Variants in FAF1 observed in about 807,000 individuals in gnomAD.
FAF1 encodes FAS-associated factor 1.
Under a neutral mutation model 92.5 loss-of-function variants are expected in FAF1, and 25 were observed. The observed-to-expected ratio is 0.27, with a 90% confidence interval of 0.20 to 0.38. The LOEUF (loss-of-function observed/expected upper bound fraction) is 0.38. FAF1 is among the 10% of genes least tolerant of loss of function. FAF1 has a pLI of 1.00. For synonymous variants in FAF1, 234 were observed against 273.2 expected (o/e 0.86, Z 1.42); for missense variants, 636 against 793.3 (o/e 0.80, Z 2.38).
At chr1:50,475,757 A>G in intron 17 of FAF1, 78 bp from the exon 18 acceptor site, 1 of 904,908 alleles carries the variant, frequency 1.1e-6, no homozygotes, top group Non-Finnish European at 1.6e-6. Context: ...CACCAGAAAA[A>G]AAGCTGCTGT....
chr1:50,761,254 G>A (rs1660314426), intron 4 of FAF1, among the ~76,000 whole-genome samples: 1 of 152,186 alleles, frequency 6.6e-6, no homozygotes, highest in Admixed American at 6.5e-5. Flanking sequence ...AATTCTACCA[G>A]AGGTATAAGG....
rs115005065 is a variant in FAF1 at position 50,472,590 on chromosome 1, T to C, written c.1869+2874A>G. On this transcript the variant is annotated intron_variant, in intron 18 of 18. Transcript: ENST00000396153. The stretch of plus-strand genomic sequence containing the variant: ...AGCTCGGAAATCTTAACATGAAGTA[T>C]TGTTTTGGTTGGGGGCGGGTGGCAG... Among the ~76,000 whole-genome samples, 681 of 152,148 alleles carry C rather than the reference T, an allele frequency of 4.5e-3. 2 individuals carry two copies. Among genetic ancestry groups the C allele is most frequent in the Non-Finnish European group, 7.3e-3 (494 of 68,010 alleles).
intron 6 of FAF1, among the ~76,000 whole-genome samples, chr1:50,729,058 A>ATATATATAT (rs1375923156): frequency 2.7e-3 from 192 of 70,076 alleles, no homozygotes; most frequent in Non-Finnish European, 3.4e-3. Context: ...ATATATATAT[A>ATATATATAT]TTTTTTTTTT....
rs529041891 is a variant in FAF1, at chr1:50,539,774, T to C, written c.1269-46A>G. 25 of 1,370,328 alleles carry C rather than the reference T, an allele frequency of 1.8e-5. No individual in the cohort carries two copies. In the South Asian group the frequency reaches 2.2e-4, roughly 12 times the overall value. The allele number at this position is 1,370,328 out of a possible 1,614,324, so 84.9% of individuals were successfully genotyped here. ...AAGTAAGTTTTGCTTTGTAGTTTAA[T>C]AGATTTACTAGTACTTCAACAAAGA... On this transcript the variant is annotated intron_variant, in intron 13 of 18. Coordinates refer to ENST00000396153, the MANE Select transcript of FAF1 (RefSeq NM_007051.3).
intron 2 of FAF1, among the ~76,000 whole-genome samples, chr1:50,851,135 C>T (rs1644345516): frequency 6.8e-6 from 1 of 148,128 alleles, no homozygotes; most frequent in African/African-American, 2.5e-5. Context: ...GGCTGTCATG[C>T]AATGGTGCGA....
intron 8 of FAF1, among the ~76,000 whole-genome samples, chr1:50,624,266 C>T (rs1653360456): frequency 6.6e-6 from 1 of 151,922 alleles, no homozygotes; most frequent in Non-Finnish European, 1.5e-5. Context: ...TCCTGCCTCA[C>T]CCTCCCAAGT....
At chr1:50,443,210 C>G (rs1386192256) in intron 18 of FAF1, among the ~76,000 whole-genome samples, 1 of 152,136 alleles carries the variant, frequency 6.6e-6, no homozygotes, top group Non-Finnish European at 1.5e-5. Flanking sequence ...GAGAAACGAT[C>G]ATTGTAATCG....
In FAF1 at chr1:50,574,896, CTCTT is replaced by C. The variant is rs1394899667; in HGVS notation, c.1114-7669_1114-7666del. Among the ~76,000 whole-genome samples, 182 of 122,906 alleles carry C rather than the reference CTCTT, an allele frequency of 1.5e-3. 8 individuals are homozygous for C. Among genetic ancestry groups the C allele is most frequent in the African/African-American group, 5.7e-3 (177 of 30,796 alleles). The allele number at this position is 122,906 out of a possible 152,430, so 80.6% of individuals were successfully genotyped here. A position where few individuals can be genotyped will look rare whatever the true frequency, so the allele number is the denominator to read the frequency against. On this transcript the variant is annotated intron_variant, in intron 12 of 18. Coordinates refer to ENST00000396153, the MANE Select transcript of FAF1 (RefSeq NM_007051.3). ...GTTTAAGCATATAGAGTTGTATTAA[CTCTT>C]TTTTTTTTTTTTTTTTTTTTTTTTT...
intron 7 of FAF1, among the ~76,000 whole-genome samples, chr1:50,700,356 C>T (rs1177975902): frequency 6.6e-6 from 1 of 152,052 alleles, no homozygotes; most frequent in African/African-American, 2.4e-5. Context: ...TCGAACGCAG[C>T]CCCCGGCCTT....
At chr1:50,847,641 AGAG>A (rs1644313450) in intron 2 of FAF1, among the ~76,000 whole-genome samples, 3 of 152,166 alleles carry the variant, frequency 2.0e-5, no homozygotes, top group African/African-American at 4.8e-5. Flanking sequence ...AATCTTAGAA[AGAG>A]GAGAGAGAAA....
intron 4 of FAF1, among the ~76,000 whole-genome samples, chr1:50,773,416 G>A (rs1415596190): frequency 6.6e-6 from 1 of 152,126 alleles, no homozygotes; most frequent in Non-Finnish European, 1.5e-5. Flanking sequence ...GCCAAGAGAT[G>A]GGAACAATCT....
At chr1:50,700,804 T>G (rs1168640948) in intron 7 of FAF1, among the ~76,000 whole-genome samples, 1 of 152,070 alleles carries the variant, frequency 6.6e-6, no homozygotes, top group Admixed American at 6.6e-5. Flanking sequence ...AGACAAATAC[T>G]TATATGGGCC....
intron 4 of FAF1, among the ~76,000 whole-genome samples, chr1:50,750,995 G>A (rs1489806967): frequency 2.0e-5 from 3 of 147,066 alleles, no homozygotes; most frequent in African/African-American, 5.1e-5. Context: ...AACATGAAAT[G>A]GGTGTTGAAT....
At chr1:50,904,329 A>G (rs1644818625) in intron 1 of FAF1, among the ~76,000 whole-genome samples, 1 of 152,158 alleles carries the variant, frequency 6.6e-6, no homozygotes, top group Non-Finnish European at 1.5e-5. Context: ...TAGAGACAGA[A>G]AGTAGAATGG....
At chr1:50,636,708 T>C (rs1654028918) in intron 8 of FAF1, among the ~76,000 whole-genome samples, 1 of 152,178 alleles carries the variant, frequency 6.6e-6, no homozygotes, top group Non-Finnish European at 1.5e-5. Context: ...CCAATTGTAA[T>C]GAAGTCCAAT....
chr1:50,719,822 A>G (rs1244094614), intron 6 of FAF1, among the ~76,000 whole-genome samples: 1 of 152,212 alleles, frequency 6.6e-6, no homozygotes, highest in East Asian at 1.9e-4. Flanking sequence ...GATGCTAACA[A>G]GCTAATCTCA....
At chr1:50,764,571 A>C (rs1266714866) in intron 4 of FAF1, among the ~76,000 whole-genome samples, 1 of 152,132 alleles carries the variant, frequency 6.6e-6, no homozygotes, top group East Asian at 1.9e-4. Flanking sequence ...AATTTTCTCC[A>C]TGCAGAAATC....
At chr1:50,499,856 C>T in intron 15 of FAF1, among the ~76,000 whole-genome samples, 1 of 152,064 alleles carries the variant, frequency 6.6e-6, no homozygotes, top group East Asian at 1.9e-4. Context: ...TTTGGACCAG[C>T]CTATATTTCT....
intron 1 of FAF1, among the ~76,000 whole-genome samples, chr1:50,875,455 T>C (rs1644562949): frequency 6.6e-6 from 1 of 152,020 alleles, no homozygotes; most frequent in Admixed American, 6.6e-5. Flanking sequence ...ATATATTCTT[T>C]TTTTCTTTTT....
Sources: allele counts gnomAD v4.1 joint callset (sites outside exome capture counted in the v4.1 genomes callset), GRCh38; gene constraint gnomAD v4.1.1; transcripts MANE v1.5; gene names NCBI Gene and HGNC (gene_info 2026-07-23, HGNC 2026-07-21).